SUGCT: variants seen among roughly 807,000 people sequenced by gnomAD.
The protein encoded by SUGCT is succinyl-CoA:glutarate CoA-transferase.
SUGCT carries 41 observed loss-of-function variants against 55.0 expected under a neutral mutation model. That is an observed-to-expected ratio of 0.74 (90% CI 0.58 to 0.97). The LOEUF is 0.97. SUGCT is among the 50% of genes least tolerant of loss of function. SUGCT has a pLI of 0.00. For synonymous variants in SUGCT, 187 were observed against 200.4 expected (o/e 0.93, Z 0.56); for missense variants, 568 against 547.8 (o/e 1.04, Z -0.37).
chr7:40,636,104 T>G (rs1400101799), intron 12 of SUGCT, among the ~76,000 whole-genome samples: 4 of 152,222 alleles, frequency 2.6e-5, no homozygotes, highest in Non-Finnish European at 5.9e-5. Flanking sequence ...CCCTACATTT[T>G]GGACACAAAA....
At chr7:40,784,005 A>G (rs1289985290) in intron 13 of SUGCT, among the ~76,000 whole-genome samples, 2 of 152,210 alleles carry the variant, frequency 1.3e-5, no homozygotes, top group Non-Finnish European at 2.9e-5. Flanking sequence ...GCATGAGTGT[A>G]TGACTCAATC....
chr7:40,695,987 C>T (rs1192764413), intron 12 of SUGCT, among the ~76,000 whole-genome samples: 3 of 152,150 alleles, frequency 2.0e-5, no homozygotes, highest in Non-Finnish European at 4.4e-5. Context: ...GTTAGTTCTA[C>T]AAGGCTTTTC....
At position 40,309,795 on chromosome 7, in the gene SUGCT, G is replaced by T. The variant is rs1363944141; in HGVS notation, c.721-6965G>T. On this transcript the variant is annotated intron_variant, in intron 8 of 13. Coordinates refer to ENST00000335693, the MANE Select transcript of SUGCT (RefSeq NM_001193313.2). ...AAAAACAAAGCCCACACAGCGAGAG[G>T]GACACAGGTACCAATGGAGAGAGGT... Among the ~76,000 whole-genome samples the T allele has an allele frequency of 1.3e-5, 2 of 151,740 alleles. 1 individual carries two copies. The highest frequency in any genetic ancestry group is 3.9e-4 in the East Asian group (2 of 5,180).
intron 13 of SUGCT, among the ~76,000 whole-genome samples, chr7:40,845,085 A>G (rs1793491620): frequency 6.6e-6 from 1 of 151,598 alleles, no homozygotes; most frequent in African/African-American, 2.4e-5. Context: ...TTTGTCTAAC[A>G]TTTTCAGCAC....
At chr7:40,578,919 T>A (rs1796922134) in intron 12 of SUGCT, among the ~76,000 whole-genome samples, 2 of 152,224 alleles carry the variant, frequency 1.3e-5, no homozygotes, top group Non-Finnish European at 2.9e-5. Context: ...AGCAAGAGCT[T>A]TGTCTTATTT....
chr7:40,340,820 G>A (rs901501807), intron 9 of SUGCT, among the ~76,000 whole-genome samples: 2 of 151,986 alleles, frequency 1.3e-5, no homozygotes, highest in African/African-American at 4.8e-5. Context: ...TGATCAGGGT[G>A]CTCACGGGGA....
At chr7:40,505,574 G>A (rs546625732) in intron 12 of SUGCT, among the ~76,000 whole-genome samples, 314 of 151,906 alleles carry the variant, frequency 2.1e-3, no homozygotes, top group African/African-American at 4.8e-3. Context: ...TCAATTTACC[G>A]AAATTGACTT....
chr7:40,837,989 C>T (rs1418539016), intron 13 of SUGCT, among the ~76,000 whole-genome samples: 4 of 152,134 alleles, frequency 2.6e-5, no homozygotes, highest in Admixed American at 2.6e-4. Flanking sequence ...GTCGCTCTAG[C>T]ACCATTTGCT....
At chr7:40,864,742 A>G (rs1344848244), downstream of SUGCT, among the ~76,000 whole-genome samples, 1 of 152,030 alleles carries the variant, frequency 6.6e-6, no homozygotes, top group East Asian at 1.9e-4. Context: ...GAGAGAGCAC[A>G]CCCAGGAGCT....
chr7:40,698,822 G>C (rs913667044), intron 12 of SUGCT, among the ~76,000 whole-genome samples: 3 of 152,138 alleles, frequency 2.0e-5, no homozygotes, highest in Admixed American at 6.5e-5. Flanking sequence ...TGCGATTTTG[G>C]TATAGGCTCA....
chr7:40,654,529 A>G (rs537685048), intron 12 of SUGCT, among the ~76,000 whole-genome samples: 1 of 152,360 alleles, frequency 6.6e-6, no homozygotes, highest in Non-Finnish European at 1.5e-5. Flanking sequence ...TAGAATGTTT[A>G]TAAACAGAAC....
chr7:40,189,632 G>T, intron 5 of SUGCT, 38 bp downstream of exon 5: 1 of 1,185,646 alleles, frequency 8.4e-7, no homozygotes, highest in Non-Finnish European at 1.1e-6. Flanking sequence ...TACCACCTAG[G>T]TTATAATTAG....
intron 13 of SUGCT, among the ~76,000 whole-genome samples, chr7:40,844,015 A>G (rs1793423621): frequency 6.6e-6 from 1 of 151,818 alleles, no homozygotes; most frequent in Non-Finnish European, 1.5e-5. Flanking sequence ...TACTCAGGTG[A>G]GTGGGTGCAG....
intron 5 of SUGCT, among the ~76,000 whole-genome samples, chr7:40,193,955 T>A (rs1358184638): frequency 1.3e-5 from 2 of 152,082 alleles, no homozygotes; most frequent in Non-Finnish European, 2.9e-5. Flanking sequence ...GGGAAAAAAA[T>A]TTCCCAATTT....
chr7:41,026,510 A>G, the SUGCT span, among the ~76,000 whole-genome samples: 1 of 152,204 alleles, frequency 6.6e-6, no homozygotes, highest in Non-Finnish European at 1.5e-5. Context: ...TGATGCCTTG[A>G]TACTAATTCT....
At chr7:40,568,669 C>T (rs1266618240) in intron 12 of SUGCT, among the ~76,000 whole-genome samples, 1 of 152,128 alleles carries the variant, frequency 6.6e-6, no homozygotes, top group Admixed American at 6.5e-5. Flanking sequence ...TGTAATGATG[C>T]TATGGCTCTT....
At chr7:40,942,986 T>C in the SUGCT span, among the ~76,000 whole-genome samples, 1 of 151,966 alleles carries the variant, frequency 6.6e-6, no homozygotes, top group African/African-American at 2.4e-5. Context: ...CATTTCTTTA[T>C]GTTGGTTTTC....
chr7:40,465,871 C>CA (rs1484208453), intron 11 of SUGCT, among the ~76,000 whole-genome samples: 3 of 151,392 alleles, frequency 2.0e-5, no homozygotes, highest in Admixed American at 6.6e-5. Context: ...CTTCACCTTT[C>CA]AAAAAAAATA....
intron 12 of SUGCT, among the ~76,000 whole-genome samples, chr7:40,514,143 G>GT (rs1006557882): frequency 5.8e-4 from 86 of 147,548 alleles, no homozygotes; most frequent in Middle Eastern, 3.5e-3. Flanking sequence ...AATATGGACT[G>GT]TTTTTTTTTT....
Sources: allele counts gnomAD v4.1 joint callset (sites outside exome capture counted in the v4.1 genomes callset), GRCh38; gene constraint gnomAD v4.1.1; transcripts MANE v1.5; gene names NCBI Gene and HGNC (gene_info 2026-07-23, HGNC 2026-07-21).